NR2F6: variants seen among roughly 807,000 people sequenced by gnomAD.
NR2F6 encodes the protein ERBA-related gene-2.
A neutral mutation model predicts 26.5 loss-of-function variants in NR2F6; 16 were observed. That is an observed-to-expected ratio of 0.60 (90% CI 0.41 to 0.92). NR2F6 has a LOEUF of 0.92. Ranked by LOEUF, NR2F6 falls within the 40% of genes least tolerant of loss-of-function variation. The pLI is 0.00. For missense variants in NR2F6, 536 were observed against 631.7 expected (o/e 0.85, Z 1.62); for synonymous variants, 325 against 305.0 (o/e 1.07, Z -0.68).
intron 1 of NR2F6, among the ~76,000 whole-genome samples, 198 bp from the exon 2 acceptor site, chr19:17,240,963 G>A (rs1358729792): frequency 6.6e-6 from 1 of 152,216 alleles, no homozygotes. Flanking sequence ...GAGTGGTGAT[G>A]GATGAAGAGG....
At position 17,232,507 on chromosome 19, in the gene NR2F6, G is replaced by A. The variant is rs764088048; in HGVS notation, c.1060C>T (p.Leu354=). 1.2e-6 allele frequency: 2 copies of A among 1,611,486 alleles called. No homozygotes were observed. Among genetic ancestry groups the A allele is most frequent in the Admixed American group, 1.7e-5 (1 of 59,642 alleles). The change falls in exon 4 of 4, where the codon CTG becomes TTG. Residue 354 remains leucine, a synonymous_variant. Coordinates refer to ENST00000291442, the MANE Select transcript of NR2F6 (RefSeq NM_005234.4). ...GCGCGCAGGGCGGGGAGCCGCAGCA[G>A]CAGGCGCCCGAAGCGCTGGGGCTGG... is the stretch of plus-strand genomic sequence containing the variant. ...PSQPQRFGRL[L]LRLPALRAVP...
intron 1 of NR2F6, among the ~76,000 whole-genome samples, chr19:17,242,170 T>C: frequency 7.6e-6 from 1 of 131,932 alleles, no homozygotes; most frequent in African/African-American, 2.9e-5. Context: ...AATACAAAAT[T>C]AGCCGGGCAT....
chr19:17,233,990 T>C (rs916197028), intron 3 of NR2F6, among the ~76,000 whole-genome samples: 1 of 151,934 alleles, frequency 6.6e-6, no homozygotes, highest in African/African-American at 2.4e-5. Flanking sequence ...TTTGGGAGGC[T>C]GAGGCGGGCA....
chr19:17,240,697 C>A lies in NR2F6; in HGVS notation c.347G>T (p.Cys116Phe). The A allele has an allele frequency of 6.2e-7, 1 of 1,614,208 alleles. No individual in the cohort carries two copies. Among genetic ancestry groups the A allele is most frequent in the Non-Finnish European group, 8.5e-7 (1 of 1,180,032 alleles). Residue 116 changes from cysteine to phenylalanine, a missense_variant, in exon 2 of 4, where the codon TGC (cysteine) becomes TTC (phenylalanine). Transcript: ENST00000291442. The stretch of plus-strand genomic sequence containing the variant: ...CTCCTTCCTCATGCCCACCCGGAAG[C>A]ACTTCTTGAGACGGCAGTACTGGCA... ...NQCQYCRLKK[C>F]FRVGMRKEAV... is the part of the protein sequence containing the mutation.
rs372075194 is a variant in NR2F6 at position 17,232,484 on chromosome 19, G to A, written c.1083C>T (p.Arg361=). Residue 361 remains arginine (R), a synonymous_variant, in exon 4 of 4, where the codon CGC becomes CGT. Transcript: ENST00000291442. The stretch of plus-strand genomic sequence containing the variant: ...GGGAGATGAGGGAGGCAGGGACCGC[G>A]CGCAGGGCGGGGAGCCGCAGCAGCA... The part of the protein sequence containing the change: ...GRLLLRLPAL[R]AVPASLISQL... 144 of 1,612,286 alleles carry A rather than the reference G, an allele frequency of 8.9e-5. 1 individual carries two copies. Among genetic ancestry groups the A allele is most frequent in the Non-Finnish European group, 1.1e-4 (133 of 1,179,554 alleles).
rs1027200366 is a variant in NR2F6, at chr19:17,231,991, A to G, written c.*361T>C. 7.3e-4 allele frequency: 210 copies of G among 287,298 alleles called. No homozygotes were observed. The highest frequency in any genetic ancestry group is 1.2e-3 in the Middle Eastern group (1 of 838). 17.8% of individuals were successfully genotyped at this position (287,298 alleles called of 1,614,324 possible). A position where few individuals can be genotyped will look rare whatever the true frequency, so the allele number is the denominator to read the frequency against. Reference sequence around the variant, plus strand: ...TGGCACACGCTAGCTACCCCTGCCCACTGGAGCAGCCCCTCTGGCCGACGC... The same window carrying G: ...TGGCACACGCTAGCTACCCCTGCCCGCTGGAGCAGCCCCTCTGGCCGACGC... On this transcript the variant is annotated 3_prime_UTR_variant, in exon 4 of 4. Transcript: ENST00000291442.
intron 2 of NR2F6, among the ~76,000 whole-genome samples, chr19:17,237,270 G>A (rs73012579): frequency 0.091 from 13,909 of 152,150 alleles, 690 homozygotes; most frequent in African/African-American, 0.14. Flanking sequence ...GCTTCCTCCC[G>A]CTTTGTTCAC....
In NR2F6 at chr19:17,235,098, G is replaced by A. The variant is rs776942029; in HGVS notation, c.940+401C>T. On this transcript the variant is annotated intron_variant, in intron 3 of 3. Transcript: ENST00000291442. The surrounding 1 kb of genome is among the most constrained non-coding windows in gnomAD (Gnocchi z 5.0). ...GGGGGCCTGAGGGGGCCAGAACCAG[G>A]GGGTCAGGACCTTCCCTCCCACGTC... Among the ~76,000 whole-genome samples the A allele has an allele frequency of 9.2e-5, 14 of 152,230 alleles. No individual in the cohort carries two copies. The highest frequency in any genetic ancestry group is 1.3e-4 in the Non-Finnish European group (9 of 68,038).
Position 17,245,002 on chromosome 19 carries a change from G to A in NR2F6, c.219C>T (p.Cys73=). 1 of 1,592,362 alleles carries A rather than the reference G, an allele frequency of 6.3e-7. No homozygotes were observed. The part of the protein sequence containing the change: ...SSGKHYGVFT[C]EGCKSFFKRS... ...GCTTGAAAAAGCTCTTGCAGCCCTC[G>A]CAGGTGAAGACACCGTAATGCTTGC... The change falls in exon 1 of 4, where the codon TGC becomes TGT. Residue 73 remains cysteine (C), a synonymous_variant. Coordinates refer to ENST00000291442, the MANE Select transcript of NR2F6 (RefSeq NM_005234.4). This position sits in a 1 kb window ranked among gnomAD's most constrained non-coding sequence, Gnocchi z 5.0.
At position 17,235,616 on chromosome 19, in the gene NR2F6, C is replaced by A. The variant is rs1360236271; in HGVS notation, c.823G>T (p.Ala275Ser). The A allele has an allele frequency of 1.4e-5, 22 of 1,556,218 alleles. No homozygotes were observed. The highest frequency in any genetic ancestry group is 1.6e-5 in the Non-Finnish European group (19 of 1,159,908). ...LHAAPMAAER[A>S]VAFMDQVRAF... ...CGCACCTGGTCCATGAAAGCCACGG[C>A]GCGCTCGGCGGCCATAGGCGCGGCG... Residue 275 changes from alanine (A) to serine (S), a missense_variant, in exon 3 of 4, where the codon GCC becomes TCC. Coordinates refer to ENST00000291442, the MANE Select transcript of NR2F6 (RefSeq NM_005234.4). This position sits in a 1 kb window ranked among gnomAD's most constrained non-coding sequence, Gnocchi z 5.0.
chr19:17,237,496 C>T (rs143467531), intron 2 of NR2F6, among the ~76,000 whole-genome samples: 1,611 of 152,102 alleles, frequency 0.011, 28 homozygotes, highest in African/African-American at 0.037. Context: ...ACTGCAGCCT[C>T]CGACTCCGGG....
intron 1 of NR2F6, among the ~76,000 whole-genome samples, chr19:17,241,081 G>A (rs1210164573): frequency 1.3e-5 from 2 of 152,158 alleles, no homozygotes; most frequent in Non-Finnish European, 2.9e-5. Context: ...CAGAGAGAGG[G>A]TACAGCCAGA....
chr19:17,245,016 C>T lies in NR2F6; in HGVS notation c.205G>A (p.Gly69Ser). ...CGDKSSGKHY[G>S]VFTCEGCKSF... ...TTGCAGCCCTCGCAGGTGAAGACAC[C>T]GTAATGCTTGCCGCTCGACTTGTCC... Residue 69 changes from glycine (G) to serine (S), a missense_variant, in exon 1 of 4, where the codon GGT becomes AGT. By Grantham distance (56) the Gly-to-Ser change is moderately conservative (BLOSUM62 0). Transcript: ENST00000291442. This position sits in a 1 kb window ranked among gnomAD's most constrained non-coding sequence, Gnocchi z 5.0. 2 of 1,599,416 alleles carry T rather than the reference C, an allele frequency of 1.3e-6. No individual in the cohort carries two copies. Among genetic ancestry groups the T allele is most frequent in the Non-Finnish European group, 8.5e-7 (1 of 1,173,716 alleles).
chr19:17,239,951 C>G (rs1167221169), intron 2 of NR2F6, among the ~76,000 whole-genome samples: 1 of 152,224 alleles, frequency 6.6e-6, no homozygotes, highest in Non-Finnish European at 1.5e-5. Flanking sequence ...AAACCCAGCA[C>G]AGGAGATCTC....
rs1486521437 is a variant in NR2F6, at chr19:17,235,171, G to T, written c.940+328C>A. Among the ~76,000 whole-genome samples the T allele has an allele frequency of 6.6e-6, 1 of 152,246 alleles. No individual in the cohort carries two copies. The highest frequency in any genetic ancestry group is 6.5e-5 in the Admixed American group (1 of 15,286). ...GCTCACTAAGCCTGAAGAGCCCTTTGGTGAGGGAGTAGGGGTCTCAGGGAG... is the reference window on the plus strand; with the variant it reads ...GCTCACTAAGCCTGAAGAGCCCTTTTGTGAGGGAGTAGGGGTCTCAGGGAG... On this transcript the variant is annotated intron_variant, in intron 3 of 3. Coordinates refer to ENST00000291442, the MANE Select transcript of NR2F6 (RefSeq NM_005234.4). The surrounding 1 kb of genome is among the most constrained non-coding windows in gnomAD (Gnocchi z 5.0).
At position 17,245,170 on chromosome 19, in the gene NR2F6, G is replaced by C; in HGVS notation, c.51C>G (p.Gly17=). 7.1e-7 allele frequency: 1 copy of C among 1,412,426 alleles called. No homozygotes were observed. The allele number at this position is 1,412,426 out of a possible 1,614,324, so 87.5% of individuals were successfully genotyped here. A position where few individuals can be genotyped will look rare whatever the true frequency, so the allele number is the denominator to read the frequency against. Residue 17 remains glycine (G), a synonymous_variant, in exon 1 of 4, where the codon GGC becomes GGG. Transcript: ENST00000291442. This position sits in a 1 kb window ranked among gnomAD's most constrained non-coding sequence, Gnocchi z 5.0. ...GWGGPGGDTN[G]VDKAGGYPRA... ...GCGGGTAGCCGCCCGCCTTGTCCAC[G>C]CCGTTCGTGTCGCCGCCGGGGCCGC...
At position 17,232,383 on chromosome 19, in the gene NR2F6, G is replaced by A; in HGVS notation, c.1184C>T (p.Thr395Ile). 1 of 1,614,078 alleles carries A rather than the reference G, an allele frequency of 6.2e-7. No individual in the cohort carries two copies. Among genetic ancestry groups the A allele is most frequent in the Non-Finnish European group, 8.5e-7 (1 of 1,180,034 alleles). ...GCCCGAGCCGTAGGGCCAGTTGAAG[G>A]TACTCCCCGACAGCAGCATGTCTCT... ...LIRDMLLSGS[T>I]FNWPYGSGQ The change falls in exon 4 of 4, where the codon ACC becomes ATC. Residue 395 changes from threonine to isoleucine, a missense_variant. By Grantham distance (89) the Thr-to-Ile change is moderately conservative. Coordinates refer to ENST00000291442, the MANE Select transcript of NR2F6 (RefSeq NM_005234.4).
At chr19:17,237,510 C>T (rs937190016) in intron 2 of NR2F6, among the ~76,000 whole-genome samples, 4 of 152,038 alleles carry the variant, frequency 2.6e-5, no homozygotes, top group African/African-American at 9.7e-5. Flanking sequence ...CTCCGGGGTT[C>T]GAGTGATTCT....
intron 1 of NR2F6, among the ~76,000 whole-genome samples, chr19:17,242,698 G>C (rs1253519163): frequency 6.6e-6 from 1 of 152,164 alleles, no homozygotes; most frequent in African/African-American, 2.4e-5. Flanking sequence ...CAGGGCAGCC[G>C]GGTGGAAACG....
Sources: gnomAD v4.1 joint callset for allele counts (sites outside exome capture counted in the v4.1 genomes callset) on GRCh38, gnomAD v4.1.1 for gene constraint, Gnocchi (gnomAD v3.1) non-coding constraint, MANE v1.5 for transcripts, NCBI Gene and HGNC (gene_info 2026-07-23, HGNC 2026-07-21) for gene names.